Variants in DOCK1 observed in about 807,000 individuals in gnomAD.
DOCK1 encodes dedicator of cytokinesis 1.
Under a neutral mutation model 262.7 loss-of-function variants are expected in DOCK1, and 138 were observed. That is an observed-to-expected ratio of 0.53 (90% CI 0.46 to 0.61). The LOEUF (loss-of-function observed/expected upper bound fraction) is 0.61, where lower values mean the gene tolerates loss of function less well. Among genes scored for constraint, DOCK1 ranks in the 20% least tolerant of loss-of-function variants. The pLI is 0.00. For missense variants in DOCK1, 1,908 were observed against 2,370.7 expected (o/e 0.80, Z 4.05); for synonymous variants, 866 against 867.4 (o/e 1.00, Z 0.03).
rs576735424 is a variant in DOCK1, at chr10:127,431,888, C to T, written c.4915-1395C>T. Among the ~76,000 whole-genome samples the T allele has an allele frequency of 3.9e-5, 6 of 152,234 alleles. No homozygotes were observed. The East Asian group carries it at 5.8e-4, about 15-fold the overall frequency. ...AGTGGACTGGTATCAGTCTGTGGCCCGTTAGGAACTGGGCCCACAGCTGGA... is the reference window on the plus strand; with the variant it reads ...AGTGGACTGGTATCAGTCTGTGGCCTGTTAGGAACTGGGCCCACAGCTGGA... On this transcript the variant is annotated intron_variant, in intron 47 of 51. Transcript: ENST00000623213.
At chr10:127,314,375 A>G (rs1457075668) in intron 29 of DOCK1, among the ~76,000 whole-genome samples, 1 of 152,224 alleles carries the variant, frequency 6.6e-6, no homozygotes, top group Non-Finnish European at 1.5e-5. Context: ...TGGCTCCAGC[A>G]GTGGGTTCTG....
At chr10:127,187,965 G>C (rs1383660213) in intron 27 of DOCK1, among the ~76,000 whole-genome samples, 1 of 152,100 alleles carries the variant, frequency 6.6e-6, no homozygotes, top group Non-Finnish European at 1.5e-5. Context: ...ACCCTTTGTT[G>C]TCTTCTATTT....
At chr10:127,287,916 TA>T (rs1166016639) in intron 29 of DOCK1, among the ~76,000 whole-genome samples, 1 of 152,212 alleles carries the variant, frequency 6.6e-6, no homozygotes, top group Non-Finnish European at 1.5e-5. Flanking sequence ...AAAAAATCCT[TA>T]CTCTAATTAT....
At chr10:127,096,445 T>A (rs1459199512) in intron 23 of DOCK1, among the ~76,000 whole-genome samples, 1 of 152,182 alleles carries the variant, frequency 6.6e-6, no homozygotes, top group Non-Finnish European at 1.5e-5. Flanking sequence ...CATATATATT[T>A]TAGCTCAAAA....
rs2043603968 is a variant in DOCK1, at chr10:127,036,212, G to T, written c.1913-1507G>T. Among the ~76,000 whole-genome samples the T allele has an allele frequency of 3.9e-5, 6 of 152,128 alleles. 1 individual carries two copies. Among genetic ancestry groups the T allele is most frequent in the Admixed American group, 3.9e-4 (6 of 15,278 alleles). On this transcript the variant is annotated intron_variant, in intron 18 of 51. Transcript: ENST00000623213. ...TACCCATGGTTCAGATGAGAACACT[G>T]AGGTGAAGTTACCTCCCCAGGCCAA...
At chr10:127,112,477 C>T (rs2132893053) in intron 25 of DOCK1, among the ~76,000 whole-genome samples, 1 of 152,290 alleles carries the variant, frequency 6.6e-6, no homozygotes, top group East Asian at 1.9e-4. Flanking sequence ...GTTCTCTAAG[C>T]CTTTTATCTT....
chr10:127,079,933 AT>A (rs1224803094), intron 23 of DOCK1, among the ~76,000 whole-genome samples: 3 of 152,212 alleles, frequency 2.0e-5, no homozygotes, highest in Non-Finnish European at 4.4e-5. Flanking sequence ...CTCTGTCCCA[AT>A]AAAAAATAAA....
Position 127,008,739 on chromosome 10 carries a change from T to C in DOCK1, c.993T>C (p.Asp331=). Residue 331 remains aspartate (D), a synonymous_variant, in exon 11 of 52, where the codon GAT becomes GAC. Coordinates refer to ENST00000623213, the MANE Select transcript of DOCK1 (RefSeq NM_001290223.2). ...TTCTCTTTTTGTCTCCAGTGATGGATGTAACAGATATAATAAATGGAAAAG... is the reference window on the plus strand; with the variant it reads ...TTCTCTTTTTGTCTCCAGTGATGGACGTAACAGATATAATAAATGGAAAAG... The part of the protein sequence containing the change: ...LRRPFGVAVM[D]VTDIINGKVD... The C allele has an allele frequency of 6.3e-7, 1 of 1,592,312 alleles. No individual in the cohort carries two copies. Among genetic ancestry groups the C allele is most frequent in the Non-Finnish European group, 8.6e-7 (1 of 1,168,332 alleles).
chr10:127,343,527 G>GT (rs945216472), intron 30 of DOCK1, 119 bp from the exon 31 acceptor site: 6,627 of 746,390 alleles, frequency 8.9e-3, no homozygotes, highest in South Asian at 0.014. Flanking sequence ...GTGAGTGTGG[G>GT]TTTTTTTTTT....
intron 23 of DOCK1, among the ~76,000 whole-genome samples, chr10:127,082,619 G>C (rs1186850981): frequency 1.3e-5 from 2 of 152,182 alleles, no homozygotes; most frequent in East Asian, 1.9e-4. Context: ...AATACATGGG[G>C]ATGATGGGAG....
chr10:127,377,633 C>T (rs72841527), intron 35 of DOCK1, among the ~76,000 whole-genome samples: 2,099 of 152,016 alleles, frequency 0.014, 13 homozygotes, highest in Non-Finnish European at 0.017. Context: ...TGTGGTGGCT[C>T]ACGCCTGTTG....
chr10:127,113,285 TTAG>T (rs2048977938), intron 25 of DOCK1, among the ~76,000 whole-genome samples: 1 of 152,152 alleles, frequency 6.6e-6, no homozygotes, highest in Non-Finnish European at 1.5e-5. Flanking sequence ...GCACTTGCCC[TTAG>T]TAAACATCCT....
intron 29 of DOCK1, among the ~76,000 whole-genome samples, chr10:127,323,316 CT>C (rs1158158208): frequency 6.6e-6 from 1 of 152,150 alleles, no homozygotes; most frequent in Non-Finnish European, 1.5e-5. Flanking sequence ...TGGTGTGTGT[CT>C]TGCACCATGC....
chr10:127,127,810 A>G, intron 27 of DOCK1, 46 bp downstream of exon 27: 1 of 1,534,064 alleles, frequency 6.5e-7, no homozygotes, highest in South Asian at 1.1e-5. Flanking sequence ...TGGGGCTGAC[A>G]GCATCCTTCT....
At chr10:126,907,754 C>T (rs1458656428) in intron 1 of DOCK1, among the ~76,000 whole-genome samples, 1 of 152,130 alleles carries the variant, frequency 6.6e-6, no homozygotes, top group Non-Finnish European at 1.5e-5. Flanking sequence ...AGGGCCAGAA[C>T]AGGGCGGTGC....
chr10:126,931,888 C>T (rs1263104032), intron 1 of DOCK1, among the ~76,000 whole-genome samples: 2 of 152,102 alleles, frequency 1.3e-5, no homozygotes, highest in African/African-American at 4.8e-5. Context: ...TTATTATTAG[C>T]CCAGCCAGCT....
rs150408597 is a variant in DOCK1, at chr10:126,911,461, C to T, written c.46+5898C>T. Among the ~76,000 whole-genome samples, 188 of 152,268 alleles carry T rather than the reference C, an allele frequency of 1.2e-3. 2 individuals carry two copies. The highest frequency in any genetic ancestry group is 4.3e-3 in the African/African-American group (180 of 41,540). Reference sequence around the variant, plus strand: ...AGACATCATGGAGTGGAAGGCTGACCGGGCACATGCACCAGTGTGGAGACC... The same window carrying T: ...AGACATCATGGAGTGGAAGGCTGACTGGGCACATGCACCAGTGTGGAGACC... On this transcript the variant is annotated intron_variant, in intron 1 of 51. Coordinates refer to ENST00000623213, the MANE Select transcript of DOCK1 (RefSeq NM_001290223.2).
At position 127,175,931 on chromosome 10, in the gene DOCK1, G is replaced by A. The variant is rs1354367922; in HGVS notation, c.2847+48167G>A. The A allele has an allele frequency of 2.5e-6, 4 of 1,614,090 alleles. No individual in the cohort carries two copies. In the African/African-American group the frequency reaches 4.0e-5, roughly 16 times the overall value. ...CGCCACATGGCCGGGCCTCCTCCATGGGTCCAGCCTCGTTCTTCTCTTTCG... is the reference window on the plus strand; with the variant it reads ...CGCCACATGGCCGGGCCTCCTCCATAGGTCCAGCCTCGTTCTTCTCTTTCG... On this transcript the variant is annotated intron_variant, in intron 27 of 51. Coordinates refer to ENST00000623213, the MANE Select transcript of DOCK1 (RefSeq NM_001290223.2). This position sits in a 1 kb window ranked among gnomAD's most constrained non-coding sequence, Gnocchi z 6.3.
chr10:127,182,283 G>A (rs1384961962), intron 27 of DOCK1, among the ~76,000 whole-genome samples: 3 of 152,078 alleles, frequency 2.0e-5, no homozygotes, highest in Non-Finnish European at 4.4e-5. Flanking sequence ...GCATATCTGC[G>A]GTTTTAGAAA....
Sources: allele counts gnomAD v4.1 joint callset (sites outside exome capture counted in the v4.1 genomes callset), GRCh38; gene constraint gnomAD v4.1.1; non-coding constraint Gnocchi (gnomAD v3.1); transcripts MANE v1.5; gene names NCBI Gene and HGNC (gene_info 2026-07-23, HGNC 2026-07-21).